GLI2: variants seen among roughly 807,000 people sequenced by gnomAD.
GLI2 encodes the protein GLI family zinc finger 2, also known as transcription activator GLI2.
Under a neutral mutation model 78.9 loss-of-function variants are expected in GLI2, and 22 were observed. The observed-to-expected ratio is 0.28, with a 90% CI of 0.20 to 0.40. The LOEUF (loss-of-function observed/expected upper bound fraction) is 0.40, where lower values mean the gene tolerates loss of function less well. GLI2 is among the 10% of genes least tolerant of loss of function. The pLI is 1.00. For synonymous variants in GLI2, 974 were observed against 963.7 expected (o/e 1.01, Z -0.20); for missense variants, 2,097 against 2,213.2 (o/e 0.95, Z 1.05).
In GLI2 at chr2:120,940,827, ATG is replaced by A. The variant is rs528469738; in HGVS notation, c.255-10413_255-10412del. On this transcript the variant is annotated intron_variant, in intron 3 of 13. Transcript: ENST00000361492. ...TGTGGATTCAGAGTAGACCTTGGGA[ATG>A]TGGGGCATAGCACTTGTCAGTCAGG... Among the ~76,000 whole-genome samples, 11 of 152,322 alleles carry A rather than the reference ATG, an allele frequency of 7.2e-5. No homozygotes were observed. The South Asian group carries it at 2.3e-3, about 32-fold the overall frequency.
At chr2:120,887,200 A>G (rs976702940) in intron 2 of GLI2, among the ~76,000 whole-genome samples, 2 of 152,108 alleles carry the variant, frequency 1.3e-5, no homozygotes, top group African/African-American at 2.4e-5. Context: ...CAAGCCACAG[A>G]GCACCCCCCG....
intron 1 of GLI2, among the ~76,000 whole-genome samples, chr2:120,774,915 T>C (rs1354731246): frequency 6.6e-6 from 1 of 152,228 alleles, no homozygotes; most frequent in Admixed American, 6.5e-5. Flanking sequence ...TTCTGTGATG[T>C]GGCCCCCTGC....
chr2:120,752,602 A>T lies in GLI2; in HGVS notation c.-31+16317A>T, dbSNP rs1682912380. Among the ~76,000 whole-genome samples, 5 of 152,266 alleles carry T rather than the reference A, an allele frequency of 3.3e-5. No individual in the cohort carries two copies. In the South Asian group the frequency reaches 8.3e-4, roughly 25 times the overall value. On this transcript the variant is annotated intron_variant, in intron 1 of 13. Transcript: ENST00000361492. ...AATTTTTATTTATACTTATTTATTG[A>T]ATAGTAATATACCTACATGGTTAAT...
intron 2 of GLI2, among the ~76,000 whole-genome samples, chr2:120,806,556 G>A (rs1167825049): frequency 6.6e-6 from 1 of 152,184 alleles, no homozygotes; most frequent in African/African-American, 2.4e-5. Context: ...CCCTGGGAGT[G>A]TGGGGAGGGA....
chr2:120,883,217 G>A (rs1363094821), intron 2 of GLI2, among the ~76,000 whole-genome samples: 3 of 152,124 alleles, frequency 2.0e-5, no homozygotes, highest in African/African-American at 4.8e-5. Flanking sequence ...CCGGGCTGGT[G>A]GCTCACACCT....
At chr2:120,974,937 G>A (rs1558929073) in intron 8 of GLI2, 38 bp from the exon 9 acceptor site, 2 of 1,614,234 alleles carry the variant, frequency 1.2e-6, no homozygotes. Context: ...CAGGTGTCTG[G>A]ACACGGCTCA....
At chr2:120,895,917 G>A (rs1159771967) in intron 2 of GLI2, among the ~76,000 whole-genome samples, 1 of 152,100 alleles carries the variant, frequency 6.6e-6, no homozygotes, top group African/African-American at 2.4e-5. Context: ...ATTTGCAAAG[G>A]GCTCTGAAGT....
intron 2 of GLI2, among the ~76,000 whole-genome samples, chr2:120,861,950 G>A (rs1243371232): frequency 2.0e-5 from 3 of 152,172 alleles, no homozygotes; most frequent in Admixed American, 6.5e-5. Flanking sequence ...ATTAATGAGC[G>A]AGTGCCTGAT....
intron 2 of GLI2, 147 bp from the exon 3 acceptor site, chr2:120,927,214 T>C: frequency 1.3e-6 from 1 of 745,424 alleles, no homozygotes; most frequent in East Asian, 2.5e-5. Flanking sequence ...TCCCCCTTCG[T>C]GGGTGTGTGA....
intron 1 of GLI2, among the ~76,000 whole-genome samples, chr2:120,776,049 G>C (rs1433418212): frequency 6.6e-6 from 1 of 152,256 alleles, no homozygotes; most frequent in Non-Finnish European, 1.5e-5. Flanking sequence ...CAGGGCCCCA[G>C]CTAGCCCTCT....
chr2:120,871,759 A>C (rs760491467), intron 2 of GLI2, among the ~76,000 whole-genome samples: 1 of 152,258 alleles, frequency 6.6e-6, no homozygotes, highest in African/African-American at 2.4e-5. Flanking sequence ...CAGTGAAGAA[A>C]ATGCATGTTC....
intron 11 of GLI2, among the ~76,000 whole-genome samples, 166 bp from the exon 12 acceptor site, chr2:120,984,305 G>A (rs1372560677): frequency 2.6e-5 from 4 of 152,200 alleles, no homozygotes; most frequent in African/African-American, 9.7e-5. Context: ...GCTCCTGCAT[G>A]GTGCCATCCA....
chr2:120,851,069 G>C (rs1389127092), intron 2 of GLI2, among the ~76,000 whole-genome samples: 1 of 152,134 alleles, frequency 6.6e-6, no homozygotes, highest in Non-Finnish European at 1.5e-5. Flanking sequence ...ATCATACGCA[G>C]ATCTTTTCTC....
At chr2:120,969,306 C>T (rs1188700134) in intron 6 of GLI2, among the ~76,000 whole-genome samples, 1 of 152,228 alleles carries the variant, frequency 6.6e-6, no homozygotes, top group African/African-American at 2.4e-5. Flanking sequence ...GGCAGCAGGC[C>T]TCCCTCTGTA....
At chr2:120,952,128 G>A (rs1681025826) in intron 4 of GLI2, among the ~76,000 whole-genome samples, 2 of 152,192 alleles carry the variant, frequency 1.3e-5, no homozygotes, top group South Asian at 2.1e-4. Context: ...TTAGTAACCC[G>A]GACATTTAGG....
intron 5 of GLI2, among the ~76,000 whole-genome samples, chr2:120,959,210 C>T (rs1466760937): frequency 6.6e-6 from 1 of 152,158 alleles, no homozygotes; most frequent in African/African-American, 2.4e-5. Context: ...TGCTGGTTAA[C>T]TCATCACACC....
In GLI2 at chr2:120,735,885, G is replaced by C. The variant is rs1227562429; in HGVS notation, c.-431G>C. Among the ~76,000 whole-genome samples, 1 of 151,990 alleles carries C rather than the reference G, an allele frequency of 6.6e-6. No homozygotes were observed. Among genetic ancestry groups the C allele is most frequent in the Admixed American group, 6.5e-5 (1 of 15,270 alleles). ...CCGGCGGCGCTGATGGATTGCAGAA[G>C]TGCCGGCGCTTGCCAGCCGAGGCAG... On this transcript the variant is annotated 5_prime_UTR_variant, in exon 1 of 14. Transcript: ENST00000361492.
In GLI2 at chr2:120,989,055, G is replaced by C. The variant is rs749578390; in HGVS notation, c.3090G>C (p.Ala1030=). 1.2e-6 allele frequency: 2 copies of C among 1,609,048 alleles called. No individual in the cohort carries two copies. Among genetic ancestry groups the C allele is most frequent in the Non-Finnish European group, 1.7e-6 (2 of 1,179,556 alleles). ...CCGTGGCGGCAGGAGTGGACGGCGC[G>C]GGGCCCGAGGCCGACCTGGGGCTGC... ...MEAVAAGVDG[A]GPEADLGLPE... The change falls in exon 14 of 14, where the codon GCG becomes GCC. Residue 1030 remains alanine, a synonymous_variant. Coordinates refer to ENST00000361492, the MANE Select transcript of GLI2 (RefSeq NM_001374353.1).
At chr2:120,736,415 T>G (rs942155767) in intron 1 of GLI2, 130 bp downstream of exon 1, 1 of 151,922 alleles carries the variant, frequency 6.6e-6, no homozygotes, top group East Asian at 2.0e-4. Flanking sequence ...CGCCTAGGCC[T>G]TGGGATCGGG....
Sources: allele counts gnomAD v4.1 joint callset (sites outside exome capture counted in the v4.1 genomes callset), GRCh38; gene constraint gnomAD v4.1.1; transcripts MANE v1.5; gene names NCBI Gene and HGNC (gene_info 2026-07-23, HGNC 2026-07-21).